Variants in IGF1R observed in about 807,000 individuals in gnomAD.
The protein encoded by IGF1R is insulin like growth factor 1 receptor.
In IGF1R, 44 loss-of-function variants were observed where a neutral mutation model predicts 144.6. The ratio of observed to expected loss-of-function variants is 0.30; its 90% CI spans 0.24 to 0.39. IGF1R has a LOEUF of 0.39. IGF1R is among the 10% of genes least tolerant of loss of function. The pLI, the probability that IGF1R is intolerant of heterozygous loss-of-function variation, is 1.00. For synonymous variants in IGF1R, 795 were observed against 722.8 expected, an observed-to-expected ratio of 1.10 and a Z score of -1.60; for missense variants, 1,355 against 1,833.7, an observed-to-expected ratio of 0.74 and a Z score of 4.77.
Position 98,648,973 on chromosome 15 carries a change from GA to G in IGF1R, c.-607del. The G allele has an allele frequency of 4.8e-6, 1 of 208,262 alleles. No homozygotes were observed. Among genetic ancestry groups the G allele is most frequent in the Non-Finnish European group, 9.7e-6 (1 of 103,004 alleles). The allele number at this position is 208,262 out of a possible 1,614,324, so 12.9% of individuals were successfully genotyped here. ...CGCTTTGTGTGTGTCCTGGATTTGG[GA>G]AGGAGCTCGCCGCGGCGGCGGCGGC... On this transcript the variant is annotated 5_prime_UTR_variant, in exon 1 of 21. Coordinates refer to ENST00000650285, the MANE Select transcript of IGF1R (RefSeq NM_000875.5).
At chr15:98,938,402 T>C (rs75072839) in intron 17 of IGF1R, among the ~76,000 whole-genome samples, 3 of 152,230 alleles carry the variant, frequency 2.0e-5, no homozygotes, top group African/African-American at 4.8e-5. Flanking sequence ...CTAGTGATTG[T>C]TTTAGGATGG....
intron 2 of IGF1R, among the ~76,000 whole-genome samples, chr15:98,811,908 GC>G (rs2056598876): frequency 6.6e-6 from 1 of 152,156 alleles, no homozygotes; most frequent in South Asian, 2.1e-4. Flanking sequence ...GGGTGACAGA[GC>G]CAGACTCTGT....
At chr15:98,810,856 A>ATTT (rs113005359) in intron 2 of IGF1R, among the ~76,000 whole-genome samples, 3 of 151,302 alleles carry the variant, frequency 2.0e-5, no homozygotes, top group African/African-American at 7.3e-5. Context: ...CCTCTAAATG[A>ATTT]TTTTCTTAAG....
chr15:98,755,237 A>T (rs1461235022), intron 2 of IGF1R, among the ~76,000 whole-genome samples: 3 of 152,070 alleles, frequency 2.0e-5, no homozygotes, highest in East Asian at 3.9e-4. Flanking sequence ...TATGGATATC[A>T]ATTTAGGTCA....
intron 1 of IGF1R, among the ~76,000 whole-genome samples, chr15:98,703,927 C>A (rs2053797633): frequency 6.6e-6 from 1 of 152,186 alleles, no homozygotes; most frequent in African/African-American, 2.4e-5. Context: ...AATCCAAAAT[C>A]CAGAATGCTT....
At chr15:98,861,091 C>G (rs1414904953) in intron 2 of IGF1R, among the ~76,000 whole-genome samples, 1 of 147,316 alleles carries the variant, frequency 6.8e-6, no homozygotes, top group Non-Finnish European at 1.5e-5. Flanking sequence ...CTCAGTCTGT[C>G]TCTCTCATGA....
At position 98,725,374 on chromosome 15, in the gene IGF1R, T is replaced by G. The variant is rs1353559111; in HGVS notation, c.640+17267T>G. Among the ~76,000 whole-genome samples the G allele has an allele frequency of 2.0e-5, 3 of 152,200 alleles. No homozygotes were observed. In the East Asian group the frequency reaches 5.8e-4, roughly 29 times the overall value. Reference sequence around the variant, plus strand: ...ATCCTAGCATTTCATCCCATGTTGATGAAAGGGCATCTTTTTTTTCCCCTA... The same window carrying G: ...ATCCTAGCATTTCATCCCATGTTGAGGAAAGGGCATCTTTTTTTTCCCCTA... On this transcript the variant is annotated intron_variant, in intron 2 of 20. Transcript: ENST00000650285.
At chr15:98,911,943 G>A (rs1052961406) in intron 7 of IGF1R, among the ~76,000 whole-genome samples, 4 of 152,100 alleles carry the variant, frequency 2.6e-5, no homozygotes, top group Middle Eastern at 3.2e-3. Flanking sequence ...CCAAACAAGC[G>A]AAGAAAAGTG....
chr15:98,912,370 A>G (rs1441232969), intron 7 of IGF1R, among the ~76,000 whole-genome samples: 1 of 152,194 alleles, frequency 6.6e-6, no homozygotes, highest in Non-Finnish European at 1.5e-5. Context: ...ATGACAGCAG[A>G]CGGTGTTTTG....
At chr15:98,663,795 G>A (rs1042299262) in intron 1 of IGF1R, among the ~76,000 whole-genome samples, 3 of 152,222 alleles carry the variant, frequency 2.0e-5, no homozygotes, top group African/African-American at 4.8e-5. Flanking sequence ...TGGCCAACGC[G>A]GCAGGGCTCT....
At position 98,888,438 on chromosome 15, in the gene IGF1R, A is replaced by AGAGTGT. The variant is rs1555457179; in HGVS notation, c.641-2886_641-2885insAGTGTG. On this transcript the variant is annotated intron_variant, in intron 2 of 20. Coordinates refer to ENST00000650285, the MANE Select transcript of IGF1R (RefSeq NM_000875.5). The stretch of plus-strand genomic sequence containing the variant: ...TGGGGGTTTGATGAGAGAGAGAGAG[A>AGAGTGT]GTGTGTGTGTGTGTGTGTGTGTGTG... Among the ~76,000 whole-genome samples, 624 of 143,430 alleles carry AGAGTGT rather than the reference A, an allele frequency of 4.4e-3. 1 individual carries two copies. The highest frequency in any genetic ancestry group is 0.014 in the African/African-American group (535 of 38,776). 94.1% of individuals were successfully genotyped at this position (143,430 alleles called of 152,430 possible).
Position 98,934,839 on chromosome 15 carries a change from A to C in IGF1R, c.2972A>C (p.Glu991Ala). The change falls in exon 16 of 21, where the codon GAG (glutamate) becomes GCG (alanine). Residue 991 changes from glutamate to alanine, a missense_variant. Glu to Ala is a moderately radical substitution (Grantham distance 107). Coordinates refer to ENST00000650285, the MANE Select transcript of IGF1R (RefSeq NM_000875.5). ...TCTTCTCCAGTGTACGTTCCTGATG[A>C]GTGGGAGGTGGCTCGGGAGAAGATC... ...FSAADVYVPD[E>A]WEVAREKITM... 1 of 1,613,970 alleles carries C rather than the reference A, an allele frequency of 6.2e-7. No homozygotes were observed. The highest frequency in any genetic ancestry group is 8.5e-7 in the Non-Finnish European group (1 of 1,179,968).
chr15:98,761,876 G>T (rs2055305654), intron 2 of IGF1R, among the ~76,000 whole-genome samples: 1 of 152,202 alleles, frequency 6.6e-6, no homozygotes, highest in African/African-American at 2.4e-5. Context: ...ACCCTTCTAG[G>T]TATGGAGGGG....
chr15:98,719,102 G>C (rs925743208), intron 2 of IGF1R, among the ~76,000 whole-genome samples: 7 of 152,330 alleles, frequency 4.6e-5, no homozygotes, highest in African/African-American at 1.7e-4. Flanking sequence ...AACTTGAAAT[G>C]ATTGGATTAT....
intron 2 of IGF1R, among the ~76,000 whole-genome samples, chr15:98,759,573 C>T (rs2055242476): frequency 6.6e-6 from 1 of 152,228 alleles, no homozygotes; most frequent in Non-Finnish European, 1.5e-5. Flanking sequence ...GCAAAATTGC[C>T]AGCACAAGTA....
intron 20 of IGF1R, among the ~76,000 whole-genome samples, chr15:98,956,499 A>G (rs533174564): frequency 6.6e-6 from 1 of 152,212 alleles, no homozygotes; most frequent in Non-Finnish European, 1.5e-5. Context: ...TCGTGTTGCA[A>G]GCCTGGCCTC....
At chr15:98,861,770 G>A (rs796691565) in intron 2 of IGF1R, among the ~76,000 whole-genome samples, 13 of 152,226 alleles carry the variant, frequency 8.5e-5, no homozygotes, top group South Asian at 6.2e-4. Context: ...TACAAGGCAC[G>A]GACCAAATCC....
At chr15:98,680,087 G>A (rs970576749) in intron 1 of IGF1R, among the ~76,000 whole-genome samples, 3 of 151,968 alleles carry the variant, frequency 2.0e-5, no homozygotes, top group Non-Finnish European at 4.4e-5. Flanking sequence ...ATTTATTATT[G>A]AAGAAAGAAA....
chr15:98,742,120 G>T (rs1291127998), intron 2 of IGF1R, among the ~76,000 whole-genome samples: 1 of 152,178 alleles, frequency 6.6e-6, no homozygotes, highest in Admixed American at 6.5e-5. Context: ...GCTGTGTTCT[G>T]AAATGGTTCA....
Sources: allele counts gnomAD v4.1 joint callset (sites outside exome capture counted in the v4.1 genomes callset), GRCh38; gene constraint gnomAD v4.1.1; transcripts MANE v1.5; gene names NCBI Gene and HGNC (gene_info 2026-07-23, HGNC 2026-07-21).